The following EML5 variants were observed in gnomAD, a reference collection of about 807,000 sequenced individuals.
EML5 encodes EMAP like 5.
EML5 carries 120 observed loss-of-function variants against 250.0 expected under a neutral mutation model. The observed-to-expected ratio is 0.48, with a 90% CI of 0.41 to 0.56. EML5 has a LOEUF of 0.56. Among genes scored for constraint, EML5 ranks in the 20% least tolerant of loss-of-function variants. The pLI, the probability that EML5 is intolerant of heterozygous loss-of-function variation, is 0.00. For missense variants in EML5, 2,006 were observed against 2,437.6 expected, an observed-to-expected ratio of 0.82 and a Z score of 3.73; for synonymous variants, 771 against 806.5, an observed-to-expected ratio of 0.96 and a Z score of 0.75.
Position 88,759,698 on chromosome 14 carries a change from A to AAAAAAAAAAC in EML5, c.198-5028_198-5027insGTTTTTTTTT, listed in dbSNP as rs758968634. ...GTCACCATCTCTTAAAAAAAAAAAA[A>AAAAAAAAAAC]AAAAAACTGGGGAGAAAAACTATGC... On this transcript the variant is annotated intron_variant, in intron 1 of 43. Transcript: ENST00000554922. 6.4e-3 allele frequency among the ~76,000 whole-genome samples: 915 copies of AAAAAAAAAAC among 142,168 alleles called. 18 individuals carry two copies. Among genetic ancestry groups the AAAAAAAAAAC allele is most frequent in the African/African-American group, 0.024 (874 of 37,056 alleles). 93.3% of individuals were successfully genotyped at this position (142,168 alleles called of 152,430 possible).
At chr14:88,689,515 C>A (rs138574115) in intron 17 of EML5, among the ~76,000 whole-genome samples, 5 of 152,326 alleles carry the variant, frequency 3.3e-5, no homozygotes, top group East Asian at 3.9e-4. Context: ...CTATTGATAT[C>A]TCTTGCCCAT....
At chr14:88,778,565 G>A (rs1342709198) in intron 1 of EML5, among the ~76,000 whole-genome samples, 1 of 152,224 alleles carries the variant, frequency 6.6e-6, no homozygotes, top group South Asian at 2.1e-4. Flanking sequence ...TGGATCACGA[G>A]GTCAGGAGAT....
chr14:88,792,223 G>A lies in EML5; in HGVS notation c.197+84C>T. ...TCGGGGTGATGCTCCGTGCAGGAGC[G>A]GTCACGGCGTCCAGAGGAACCCGCG... On this transcript the variant is annotated intron_variant, in intron 1 of 43. Transcript: ENST00000554922. This position sits in a 1 kb window ranked among gnomAD's most constrained non-coding sequence, Gnocchi z 6.9. 1 of 1,485,276 alleles carries A rather than the reference G, an allele frequency of 6.7e-7. No individual in the cohort carries two copies. The highest frequency in any genetic ancestry group is 9.0e-7 in the Non-Finnish European group (1 of 1,105,192). The allele number at this position is 1,485,276 out of a possible 1,614,324, so 92.0% of individuals were successfully genotyped here.
chr14:88,633,199 T>C (rs758024654), intron 33 of EML5, among the ~76,000 whole-genome samples: 2 of 152,188 alleles, frequency 1.3e-5, no homozygotes, highest in African/African-American at 2.4e-5. Context: ...ACAAATACTT[T>C]GTTTTATTGC....
chr14:88,736,005 T>C (rs931551802), intron 7 of EML5, among the ~76,000 whole-genome samples: 2 of 26,976 alleles, frequency 7.4e-5, no homozygotes, highest in African/African-American at 4.4e-4. Context: ...TTTTCTTTCT[T>C]TTTTTTTTTT....
At chr14:88,768,806 C>A (rs1312504694) in intron 1 of EML5, among the ~76,000 whole-genome samples, 1 of 151,986 alleles carries the variant, frequency 6.6e-6, no homozygotes, top group South Asian at 2.1e-4. Flanking sequence ...TTTATTTAAC[C>A]CATCTATTTA....
chr14:88,627,918 G>A, intron 33 of EML5, 99 bp from the exon 34 acceptor site: 1 of 1,110,110 alleles, frequency 9.0e-7, no homozygotes, highest in Non-Finnish European at 1.3e-6. Flanking sequence ...GGACAAATGT[G>A]TACCAAACAA....
At position 88,621,248 on chromosome 14, in the gene EML5, T is replaced by C; in HGVS notation, c.5067A>G (p.Lys1689=). Reference sequence around the variant, plus strand: ...TAACTAAAATATTACAAGCTGCATTTTTCTCTCCAACTTCGATTATTTCAG... The same window carrying C: ...TAACTAAAATATTACAAGCTGCATTCTTCTCTCCAACTTCGATTATTTCAG... ...RNAEIIEVGE[K]NAACNILVNG... The change falls in exon 38 of 44, where the codon AAA becomes AAG. Residue 1689 remains lysine, a synonymous_variant. Transcript: ENST00000554922. The C allele has an allele frequency of 6.2e-7, 1 of 1,613,946 alleles. No homozygotes were observed. Among genetic ancestry groups the C allele is most frequent in the Non-Finnish European group, 8.5e-7 (1 of 1,179,872 alleles).
At chr14:88,672,530 C>T (rs963561867) in intron 21 of EML5, among the ~76,000 whole-genome samples, 23 of 151,702 alleles carry the variant, frequency 1.5e-4, no homozygotes, top group African/African-American at 2.4e-5. Flanking sequence ...TAGCAGAAGA[C>T]AAGAAATAAC....
At chr14:88,652,969 T>C (rs1002534818) in intron 27 of EML5, among the ~76,000 whole-genome samples, 1 of 152,214 alleles carries the variant, frequency 6.6e-6, no homozygotes, top group African/African-American at 2.4e-5. Context: ...TCCTCTCCTA[T>C]TTCCTTGAGC....
chr14:88,687,196 C>T lies in EML5; in HGVS notation c.2854+20G>A. 1 of 1,570,460 alleles carries T rather than the reference C, an allele frequency of 6.4e-7. No homozygotes were observed. The highest frequency in any genetic ancestry group is 8.7e-7 in the Non-Finnish European group (1 of 1,150,628). ...TAATCTTTTTTTCCTATACAAAAAC[C>T]CCACTAAGTCTCAAATCACCTTTAG... On this transcript the variant is annotated intron_variant, in intron 19 of 43. Transcript: ENST00000554922.
chr14:88,772,174 T>C (rs548121365), intron 1 of EML5, among the ~76,000 whole-genome samples: 2 of 152,300 alleles, frequency 1.3e-5, no homozygotes, highest in South Asian at 2.1e-4. Flanking sequence ...TCCTCACTCA[T>C]CTCATGCATT....
At chr14:88,776,940 AAT>A (rs2094452718) in intron 1 of EML5, among the ~76,000 whole-genome samples, 1 of 152,164 alleles carries the variant, frequency 6.6e-6, no homozygotes, top group African/African-American at 2.4e-5. Context: ...AGATCTAGAA[AAT>A]AGTCTCAAAA....
intron 8 of EML5, among the ~76,000 whole-genome samples, chr14:88,718,965 T>G (rs1352313608): frequency 6.6e-6 from 1 of 152,170 alleles, no homozygotes; most frequent in Non-Finnish European, 1.5e-5. Flanking sequence ...ATAAATAATT[T>G]GAAGAAAAAT....
At chr14:88,628,124 T>C (rs1480925127) in intron 33 of EML5, among the ~76,000 whole-genome samples, 1 of 152,092 alleles carries the variant, frequency 6.6e-6, no homozygotes, top group East Asian at 1.9e-4. Context: ...TCAAAACAAA[T>C]GCATGTTTTA....
chr14:88,790,179 TA>T (rs1168562941), intron 1 of EML5, among the ~76,000 whole-genome samples: 3 of 152,348 alleles, frequency 2.0e-5, no homozygotes, highest in South Asian at 2.1e-4. Flanking sequence ...CACTGATTCC[TA>T]AATTATATTC....
chr14:88,684,895 C>T, intron 20 of EML5, 120 bp downstream of exon 20: 1 of 906,688 alleles, frequency 1.1e-6, no homozygotes, highest in Non-Finnish European at 1.5e-6. Flanking sequence ...TTTCTGTATA[C>T]ATTAACAAAT....
chr14:88,726,704 A>G, intron 7 of EML5, 26 bp from the exon 8 acceptor site: 1 of 1,501,860 alleles, frequency 6.7e-7, no homozygotes, highest in East Asian at 2.5e-5. Flanking sequence ...TAAAAAATAA[A>G]AAAGGTTAGC....
chr14:88,708,031 G>C (rs912303167), intron 10 of EML5, among the ~76,000 whole-genome samples: 11 of 152,148 alleles, frequency 7.2e-5, no homozygotes, highest in African/African-American at 2.4e-4. Context: ...CCTATACCGA[G>C]TGATAGAGAG....
Sources: gnomAD v4.1 joint callset for allele counts (sites outside exome capture counted in the v4.1 genomes callset) on GRCh38, gnomAD v4.1.1 for gene constraint, Gnocchi (gnomAD v3.1) non-coding constraint, MANE v1.5 for transcripts, NCBI Gene and HGNC (gene_info 2026-07-23, HGNC 2026-07-21) for gene names.